The following SPART variants were observed in gnomAD, a reference collection of about 807,000 sequenced individuals.
SPART encodes the protein spartin.
A neutral mutation model predicts 58.7 loss-of-function variants in SPART; 35 were observed. That is an observed-to-expected ratio of 0.60 (90% CI 0.46 to 0.79). The LOEUF (loss-of-function observed/expected upper bound fraction) is 0.79, where lower values mean the gene tolerates loss of function less well. SPART is among the 30% of genes least tolerant of loss of function. The pLI, the probability that SPART is intolerant of heterozygous loss-of-function variation, is 0.00. For synonymous variants in SPART, 284 were observed against 280.7 expected (o/e 1.01, Z -0.12); for missense variants, 730 against 786.1 (o/e 0.93, Z 0.85).
intron 5 of SPART, among the ~76,000 whole-genome samples, chr13:36,321,766 GC>G (rs1882426581): frequency 1.3e-5 from 2 of 152,168 alleles, no homozygotes; most frequent in Non-Finnish European, 2.9e-5. Flanking sequence ...CCCAAGCCAA[GC>G]CATCGCGTCC....
upstream of SPART, among the ~76,000 whole-genome samples, chr13:36,350,998 CAG>C (rs1399481279): frequency 3.9e-5 from 6 of 152,268 alleles, no homozygotes; most frequent in Admixed American, 2.6e-4. Flanking sequence ...ATACTTGTAG[CAG>C]AGAGTCTGGG....
intron 2 of SPART, among the ~76,000 whole-genome samples, chr13:36,333,246 A>C (rs1355124157): frequency 6.6e-6 from 1 of 152,106 alleles, no homozygotes; most frequent in African/African-American, 2.4e-5. Flanking sequence ...TAGATTTAAC[A>C]GGTTTAAAAA....
At chr13:36,321,028 T>C (rs1593240170) in intron 5 of SPART, among the ~76,000 whole-genome samples, 1 of 152,310 alleles carries the variant, frequency 6.6e-6, no homozygotes, top group Admixed American at 6.5e-5. Flanking sequence ...ACAATACTTT[T>C]ACCACTTTCC....
chr13:36,325,565 C>A (rs1179720037), intron 5 of SPART, among the ~76,000 whole-genome samples: 1 of 152,060 alleles, frequency 6.6e-6, no homozygotes, highest in Non-Finnish European at 1.5e-5. Context: ...GAATTTGACA[C>A]ACTGAATGGT....
In SPART at chr13:36,335,123, T is replaced by G. The variant is rs528888026; in HGVS notation, c.708A>C (p.Ala236=). 7 of 1,614,108 alleles carry G rather than the reference T, an allele frequency of 4.3e-6. No homozygotes were observed. In the East Asian group the frequency reaches 1.6e-4, roughly 36 times the overall value. Reference sequence around the variant, plus strand: ...GATACGAAGGTGCACTAACCTCCCCTGCAGGATTTACAAAAAAAATCTGTA... The same window carrying G: ...GATACGAAGGTGCACTAACCTCCCCGGCAGGATTTACAAAAAAAATCTGTA... ...NGVQIFFVNP[A]GEVSAPSYPG... is the part of the protein sequence containing the mutation. The change falls in exon 2 of 9, where the codon GCA becomes GCC. Residue 236 remains alanine, a synonymous_variant. Coordinates refer to ENST00000438666, the MANE Select transcript of SPART (RefSeq NM_015087.5).
At chr13:36,365,038 C>T (rs1045365644) in intron 1 of SPART, among the ~76,000 whole-genome samples, 1 of 152,174 alleles carries the variant, frequency 6.6e-6, no homozygotes, top group Admixed American at 6.5e-5. Context: ...TCTCCTCTGA[C>T]ACTGGAGGTT....
Position 36,312,486 on chromosome 13 carries a change from AC to A in SPART, c.1484-10del, listed in dbSNP as rs748048533. The A allele has an allele frequency of 1.2e-6, 2 of 1,613,750 alleles. No individual in the cohort carries two copies. The highest frequency in any genetic ancestry group is 8.5e-7 in the Non-Finnish European group (1 of 1,179,864). On this transcript the variant is annotated splice_polypyrimidine_tract_variant and intron_variant, in intron 6 of 8. Transcript: ENST00000438666. Reference sequence around the variant, plus strand: ...AGTGCAAACTCCATCAACTAATATGACCATAAAAAAAGAAAACTTAGGAAAA... The same window carrying A: ...AGTGCAAACTCCATCAACTAATATGACATAAAAAAAGAAAACTTAGGAAAA...
intron 5 of SPART, among the ~76,000 whole-genome samples, chr13:36,322,821 C>T (rs1470892964): frequency 2.6e-5 from 4 of 152,118 alleles, no homozygotes; most frequent in Non-Finnish European, 5.9e-5. Context: ...TATATGATTG[C>T]TCTTTGATGT....
chr13:36,314,618 C>T (rs1881490879), intron 5 of SPART, among the ~76,000 whole-genome samples, 197 bp from the exon 6 acceptor site: 1 of 152,216 alleles, frequency 6.6e-6, no homozygotes, highest in African/African-American at 2.4e-5. Context: ...TTCTGCGTTA[C>T]TCTATGCTGC....
At chr13:36,331,854 T>A (rs1883495185) in intron 2 of SPART, among the ~76,000 whole-genome samples, 1 of 152,204 alleles carries the variant, frequency 6.6e-6, no homozygotes, top group South Asian at 2.1e-4. Flanking sequence ...GCTGATGGCC[T>A]TAACTAGCCT....
chr13:36,354,213 G>T (rs1036400462), intron 1 of SPART, among the ~76,000 whole-genome samples: 3 of 152,030 alleles, frequency 2.0e-5, no homozygotes, highest in African/African-American at 7.2e-5. Context: ...CATAAAGGAG[G>T]TTTTTTTCTA....
chr13:36,312,045 C>A, intron 8 of SPART, 100 bp downstream of exon 8: 1 of 1,091,942 alleles, frequency 9.2e-7, no homozygotes, highest in South Asian at 1.3e-5. Context: ...TAAGATCGCG[C>A]CATTGCACTC....
At chr13:36,310,753 C>T (rs997017297) in intron 8 of SPART, among the ~76,000 whole-genome samples, 7 of 152,084 alleles carry the variant, frequency 4.6e-5, no homozygotes, top group Admixed American at 2.0e-4. Flanking sequence ...TTTCTTTAAA[C>T]TAGTCAATCC....
intron 6 of SPART, 70 bp from the exon 7 acceptor site, chr13:36,312,547 G>A (rs1881243520): frequency 1.4e-6 from 2 of 1,431,800 alleles, no homozygotes; most frequent in East Asian, 2.3e-5. Flanking sequence ...CACTCATCTT[G>A]CAACATTCTT....
rs372292047 is a variant in SPART, at chr13:36,341,616, T to C, written c.-3+4609A>G. 2.8e-4 allele frequency among the ~76,000 whole-genome samples: 42 copies of C among 152,264 alleles called. 3 individuals are homozygous for C. In the East Asian group the frequency reaches 3.9e-3, roughly 14 times the overall value. ...AAAACTTACGATAGAAGAATTTCAC[T>C]GATATGAAACTATTTTAGCAGCAAT... On this transcript the variant is annotated intron_variant, in intron 1 of 8. Transcript: ENST00000438666.
At chr13:36,321,038 C>T (rs1882323793) in intron 5 of SPART, among the ~76,000 whole-genome samples, 1 of 152,186 alleles carries the variant, frequency 6.6e-6, no homozygotes, top group African/African-American at 2.4e-5. Context: ...TACCACTTTC[C>T]TTTCTCAGAA....
At chr13:36,334,602 C>A (rs891510923) in intron 2 of SPART, among the ~76,000 whole-genome samples, 1 of 152,132 alleles carries the variant, frequency 6.6e-6, no homozygotes, top group African/African-American at 2.4e-5. Flanking sequence ...GGGTTGAGAA[C>A]AACTGTTCTG....
At chr13:36,362,019 A>G (rs1226544629) in intron 1 of SPART, among the ~76,000 whole-genome samples, 1 of 152,184 alleles carries the variant, frequency 6.6e-6, no homozygotes, top group Non-Finnish European at 1.5e-5. Context: ...GGCAGGCATT[A>G]TTATCACTGC....
intron 8 of SPART, among the ~76,000 whole-genome samples, chr13:36,306,913 A>G (rs1289457527): frequency 1.3e-5 from 2 of 152,234 alleles, no homozygotes; most frequent in East Asian, 3.8e-4. Flanking sequence ...AAAATTCTAA[A>G]ATACTAAACA....
Sources: gnomAD v4.1 joint callset for allele counts (sites outside exome capture counted in the v4.1 genomes callset) on GRCh38, gnomAD v4.1.1 for gene constraint, MANE v1.5 for transcripts, NCBI Gene and HGNC (gene_info 2026-07-23, HGNC 2026-07-21) for gene names.